The following CNBD1 variants were observed in gnomAD, a reference collection of about 807,000 sequenced individuals.
The protein encoded by CNBD1 is cyclic nucleotide-binding domain-containing protein 1.
A neutral mutation model predicts 54.4 loss-of-function variants in CNBD1; 71 were observed. That is an observed-to-expected ratio of 1.30 (90% CI 1.08 to 1.59). CNBD1 has a LOEUF of 1.59. CNBD1 is among the 40% of genes most tolerant of loss of function. The pLI, the probability that CNBD1 is intolerant of heterozygous loss-of-function variation, is 0.00. For missense variants in CNBD1, 659 were observed against 518.0 expected (o/e 1.27, Z -2.64); for synonymous variants, 182 against 170.7 (o/e 1.07, Z -0.51).
At chr8:87,295,005 C>A (rs768003609) in intron 8 of CNBD1, among the ~76,000 whole-genome samples, 13 of 151,372 alleles carry the variant, frequency 8.6e-5, no homozygotes, top group Non-Finnish European at 1.6e-4. Context: ...CATGAAGCTT[C>A]TTTTTTTATA....
At chr8:86,931,363 A>G (rs778466725) in intron 3 of CNBD1, among the ~76,000 whole-genome samples, 1 of 152,178 alleles carries the variant, frequency 6.6e-6, no homozygotes, top group East Asian at 1.9e-4. Flanking sequence ...TTGTTGGATC[A>G]TCTGGTTGGG....
At chr8:87,233,434 G>C (rs976178776) in intron 5 of CNBD1, among the ~76,000 whole-genome samples, 2 of 152,130 alleles carry the variant, frequency 1.3e-5, no homozygotes, top group South Asian at 4.1e-4. Flanking sequence ...TTATCGTGTA[G>C]TCTATTAAGC....
intron 6 of CNBD1, among the ~76,000 whole-genome samples, chr8:87,275,289 A>G (rs1237249859): frequency 1.5e-5 from 2 of 136,260 alleles, no homozygotes; most frequent in Non-Finnish European, 3.2e-5. Flanking sequence ...ACTTTAAAGT[A>G]GTTTTTTTCC....
intron 4 of CNBD1, among the ~76,000 whole-genome samples, chr8:87,161,499 A>C (rs1159461355): frequency 6.6e-6 from 1 of 152,154 alleles, no homozygotes; most frequent in Non-Finnish European, 1.5e-5. Flanking sequence ...AAAATTATAA[A>C]ATATGGATGA....
intron 4 of CNBD1, among the ~76,000 whole-genome samples, chr8:87,097,737 C>T (rs1811348176): frequency 6.6e-6 from 1 of 152,106 alleles, no homozygotes; most frequent in African/African-American, 2.4e-5. Flanking sequence ...TTGATTGTGC[C>T]TTGGCTCAAA....
intron 8 of CNBD1, among the ~76,000 whole-genome samples, chr8:87,348,585 A>G (rs991398163): frequency 1.3e-5 from 2 of 152,174 alleles, no homozygotes; most frequent in African/African-American, 4.8e-5. Flanking sequence ...TCGTGCTCAA[A>G]GTTGCCTCGG....
intron 4 of CNBD1, among the ~76,000 whole-genome samples, chr8:87,148,314 G>A (rs1044021130): frequency 6.6e-6 from 1 of 152,126 alleles, no homozygotes; most frequent in South Asian, 2.1e-4. Flanking sequence ...TAGAGATGGC[G>A]TGATTTGTCA....
chr8:86,892,703 G>A (rs1295102132), intron 2 of CNBD1, among the ~76,000 whole-genome samples: 1 of 151,830 alleles, frequency 6.6e-6, no homozygotes, highest in Non-Finnish European at 1.5e-5. Context: ...AGACAATTAT[G>A]ATGATTTTAA....
chr8:86,969,793 T>TATATAC (rs1353293101), intron 4 of CNBD1, among the ~76,000 whole-genome samples: 47 of 144,536 alleles, frequency 3.3e-4, no homozygotes, highest in African/African-American at 1.1e-3. Flanking sequence ...TATATATATA[T>TATATAC]ACACACACAC....
chr8:87,380,791 G>A (rs1277393133), intron 10 of CNBD1, among the ~76,000 whole-genome samples: 1 of 151,910 alleles, frequency 6.6e-6, no homozygotes, highest in Non-Finnish European at 1.5e-5. Flanking sequence ...AAATGGGGTT[G>A]TTTTACTAAT....
chr8:87,247,583 G>C (rs1377999956), intron 6 of CNBD1, among the ~76,000 whole-genome samples: 4 of 151,894 alleles, frequency 2.6e-5, no homozygotes, highest in Non-Finnish European at 4.4e-5. Flanking sequence ...CAAGTTTTGC[G>C]ATCCATTCTG....
intron 4 of CNBD1, among the ~76,000 whole-genome samples, chr8:87,063,137 A>G (rs190623636): frequency 3.3e-5 from 5 of 152,340 alleles, no homozygotes; most frequent in Admixed American, 2.0e-4. Flanking sequence ...GAAAGTAACC[A>G]TATGGTGGGT....
chr8:87,389,803 C>T (rs1019755381), intron 2 of CNBD1, among the ~76,000 whole-genome samples: 10 of 152,086 alleles, frequency 6.6e-5, no homozygotes, highest in African/African-American at 1.4e-4. Flanking sequence ...AATCCTAAGC[C>T]GAAAGAACAA....
At chr8:86,931,014 T>A (rs1204016640) in intron 3 of CNBD1, among the ~76,000 whole-genome samples, 1 of 152,128 alleles carries the variant, frequency 6.6e-6, no homozygotes, top group Non-Finnish European at 1.5e-5. Context: ...GGTAACTTAT[T>A]CCCCATATTC....
At chr8:87,145,834 T>C (rs1056879031) in intron 4 of CNBD1, among the ~76,000 whole-genome samples, 1 of 152,146 alleles carries the variant, frequency 6.6e-6, no homozygotes, top group African/African-American at 2.4e-5. Flanking sequence ...TGTACCAGAC[T>C]TTCCCATTTA....
At chr8:87,374,536 T>C (rs1186580038) in intron 10 of CNBD1, among the ~76,000 whole-genome samples, 1 of 151,594 alleles carries the variant, frequency 6.6e-6, no homozygotes, top group Non-Finnish European at 1.5e-5. Flanking sequence ...GTACACCTTG[T>C]ATGGAAGAGA....
At chr8:87,019,764 G>C (rs1381283193) in intron 4 of CNBD1, among the ~76,000 whole-genome samples, 2 of 152,106 alleles carry the variant, frequency 1.3e-5, no homozygotes, top group Non-Finnish European at 2.9e-5. Context: ...TGTAATCCCA[G>C]CTACTCGGGA....
At chr8:87,021,488 C>G (rs923339927) in intron 4 of CNBD1, among the ~76,000 whole-genome samples, 1 of 152,172 alleles carries the variant, frequency 6.6e-6, no homozygotes, top group Non-Finnish European at 1.5e-5. Flanking sequence ...TACTGACATA[C>G]ATTTTAGTTT....
At chr8:87,259,137 TC>T (rs1432747281) in intron 6 of CNBD1, among the ~76,000 whole-genome samples, 1 of 152,174 alleles carries the variant, frequency 6.6e-6, no homozygotes, top group African/African-American at 2.4e-5. Context: ...GCATAAATTT[TC>T]TTTTATAAAT....
Sources: gnomAD v4.1 joint callset for allele counts (sites outside exome capture counted in the v4.1 genomes callset) on GRCh38, gnomAD v4.1.1 for gene constraint, MANE v1.5 for transcripts, NCBI Gene and HGNC (gene_info 2026-07-23, HGNC 2026-07-21) for gene names.